TPR: variants seen among roughly 807,000 people sequenced by gnomAD.
TPR encodes the protein translocated promoter region, nuclear basket protein, also known as nucleoprotein TPR.
A neutral mutation model predicts 316.1 loss-of-function variants in TPR; 51 were observed. The ratio of observed to expected loss-of-function variants is 0.16; its 90% CI spans 0.13 to 0.20. TPR has a LOEUF of 0.20. Among genes scored for constraint, TPR ranks in the 10% least tolerant of loss-of-function variants. The pLI, the probability that TPR is intolerant of heterozygous loss-of-function variation, is 1.00. For synonymous variants in TPR, 981 were observed against 914.7 expected (o/e 1.07, Z -1.31); for missense variants, 2,272 against 2,754.8 (o/e 0.82, Z 3.92).
chr1:186,347,360 T>TA lies in TPR; in HGVS notation c.2874dup (p.Thr959TyrfsTer13). ...GCTTGATATTGTTCCACATTGCTCG[T>TA]ACTTGTTTTGAGTCTCTCCTTTAAG... is the stretch of plus-strand genomic sequence containing the variant. On this transcript the variant is annotated frameshift_variant, in exon 22 of 51. Coordinates refer to ENST00000367478, the MANE Select transcript of TPR (RefSeq NM_003292.3). LOFTEE classifies it high-confidence loss of function. The TA allele has an allele frequency of 6.2e-7, 1 of 1,614,116 alleles. No homozygotes were observed. The highest frequency in any genetic ancestry group is 8.5e-7 in the Non-Finnish European group (1 of 1,179,988).
At chr1:186,320,566 G>T in intron 45 of TPR, 148 bp from the exon 46 acceptor site, 2 of 683,840 alleles carry the variant, frequency 2.9e-6, no homozygotes, top group South Asian at 2.3e-5. Context: ...ATTTTAAAGG[G>T]TTTCTTACTT....
At position 186,313,842 on chromosome 1, in the gene TPR, CATTTT is replaced by C; in HGVS notation, c.*124_*128del. Reference sequence around the variant, plus strand: ...AATAATAAATTTTGACACTGAAAAACATTTTATTAATAAAGAATATTGACATGAGT... The same window carrying C: ...AATAATAAATTTTGACACTGAAAAACATTAATAAAGAATATTGACATGAGT... On this transcript the variant is annotated 3_prime_UTR_variant, in exon 51 of 51. Transcript: ENST00000367478. 4 of 1,490,468 alleles carry C rather than the reference CATTTT, an allele frequency of 2.7e-6. No individual in the cohort carries two copies. Among genetic ancestry groups the C allele is most frequent in the Non-Finnish European group, 3.7e-6 (4 of 1,068,088 alleles). 92.3% of individuals were successfully genotyped at this position (1,490,468 alleles called of 1,614,324 possible).
chr1:186,324,141 C>T (rs1378797300), intron 42 of TPR, among the ~76,000 whole-genome samples: 2 of 152,094 alleles, frequency 1.3e-5, no homozygotes, highest in African/African-American at 4.8e-5. Flanking sequence ...ACCTCCAAGT[C>T]TGGTGTTTCT....
chr1:186,330,798 T>A (rs1658139359), intron 39 of TPR, among the ~76,000 whole-genome samples: 1 of 152,164 alleles, frequency 6.6e-6, no homozygotes, highest in Non-Finnish European at 1.5e-5. Context: ...GTCTTCTTGA[T>A]GACAATATGA....
At chr1:186,364,515 G>T (rs1659280077) in intron 4 of TPR, among the ~76,000 whole-genome samples, 1 of 152,204 alleles carries the variant, frequency 6.6e-6, no homozygotes, top group African/African-American at 2.4e-5. Context: ...TGGGGTGCAG[G>T]ATTGCTATCA....
At chr1:186,362,811 A>G in intron 6 of TPR, 26 bp downstream of exon 6, 1 of 1,568,532 alleles carries the variant, frequency 6.4e-7, no homozygotes, top group Non-Finnish European at 8.6e-7. Context: ...CTCAACATGA[A>G]GAAAAACACA....
chr1:186,323,682 A>G lies in TPR; in HGVS notation c.6297+4T>C. 6.8e-7 allele frequency: 1 copy of G among 1,480,010 alleles called. No homozygotes were observed. Among genetic ancestry groups the G allele is most frequent in the Non-Finnish European group, 8.9e-7 (1 of 1,122,752 alleles). The allele number at this position is 1,480,010 out of a possible 1,614,324, so 91.7% of individuals were successfully genotyped here. On this transcript the variant is annotated splice_donor_region_variant and intron_variant, in intron 43 of 50. Coordinates refer to ENST00000367478, the MANE Select transcript of TPR (RefSeq NM_003292.3). The stretch of plus-strand genomic sequence containing the variant: ...TTTTTCATAATGACCAGTACTTTTA[A>G]TACCTGAACTGGTGGTCCCAACTCC...
chr1:186,347,240 C>A lies in TPR; in HGVS notation c.2943+52G>T, dbSNP rs1465579846. 4 of 1,589,812 alleles carry A rather than the reference C, an allele frequency of 2.5e-6. No individual in the cohort carries two copies. The Admixed American group carries it at 5.1e-5, about 20-fold the overall frequency. On this transcript the variant is annotated intron_variant, in intron 22 of 50. Coordinates refer to ENST00000367478, the MANE Select transcript of TPR (RefSeq NM_003292.3). Reference sequence around the variant, plus strand: ...AAAGCAGTCCTCTAGTTACTAAAAACAAAGTTAACAAATGTGTTGAGATTG... The same window carrying A: ...AAAGCAGTCCTCTAGTTACTAAAAAAAAAGTTAACAAATGTGTTGAGATTG...
Position 186,360,266 on chromosome 1 carries a change from T to C in TPR, c.1191+7A>G. The C allele has an allele frequency of 6.2e-7, 1 of 1,612,416 alleles. No homozygotes were observed. The highest frequency in any genetic ancestry group is 8.5e-7 in the Non-Finnish European group (1 of 1,179,020). ...AAGAATTTAACAACATTTAATACCA[T>C]TCTTACCTCAGTTAGTTTCATCCCA... On this transcript the variant is annotated splice_region_variant and intron_variant, in intron 11 of 50. Transcript: ENST00000367478.
rs768994644 is a variant in TPR at position 186,361,713 on chromosome 1, A to G, written c.871-4T>C. The G allele has an allele frequency of 6.2e-7, 1 of 1,613,360 alleles. No homozygotes were observed. Among genetic ancestry groups the G allele is most frequent in the South Asian group, 1.1e-5 (1 of 91,064 alleles). On this transcript the variant is annotated splice_polypyrimidine_tract_variant and splice_region_variant and intron_variant, in intron 8 of 50. Transcript: ENST00000367478. The stretch of plus-strand genomic sequence containing the variant: ...CTTCTGAGTCATCAGCGGCACTCTA[A>G]AAGTTAATCTTAAAAAGTTACCTAA...
rs1014182658 is a variant in TPR, at chr1:186,374,698, T to C, written c.151+180A>G. Among the ~76,000 whole-genome samples, 8 of 152,126 alleles carry C rather than the reference T, an allele frequency of 5.3e-5. 1 individual carries two copies. Among genetic ancestry groups the C allele is most frequent in the African/African-American group, 1.7e-4 (7 of 41,382 alleles). On this transcript the variant is annotated intron_variant, in intron 1 of 50. Coordinates refer to ENST00000367478, the MANE Select transcript of TPR (RefSeq NM_003292.3). ...TGCTACTGAACTTAGATTCAGATTT[T>C]TTTTTCAAAGGCTTCTTATCAAACT...
chr1:186,330,249 T>TA (rs540602766), intron 39 of TPR, among the ~76,000 whole-genome samples: 1 of 151,966 alleles, frequency 6.6e-6, no homozygotes. Flanking sequence ...ATGGTTACAA[T>TA]AAAAAAATAT....
intron 40 of TPR, 22 bp downstream of exon 40, chr1:186,327,438 G>A: frequency 6.2e-7 from 1 of 1,604,036 alleles, no homozygotes; most frequent in Non-Finnish European, 8.5e-7. Flanking sequence ...AAAAACACTA[G>A]ATGATTTCAA....
Position 186,334,290 on chromosome 1 carries a change from A to G in TPR, c.5182+35T>C, listed in dbSNP as rs200972235. On this transcript the variant is annotated intron_variant, in intron 36 of 50. Coordinates refer to ENST00000367478, the MANE Select transcript of TPR (RefSeq NM_003292.3). The stretch of plus-strand genomic sequence containing the variant: ...TCATCTTCTCATAATAAATCTAAAT[A>G]AGCAGTCTCATCAGATCTGTATTAT... 366 of 1,541,862 alleles carry G rather than the reference A, an allele frequency of 2.4e-4. 1 individual carries two copies. In the African/African-American group the frequency reaches 4.3e-3, roughly 18 times the overall value.
Position 186,360,777 on chromosome 1 carries a change from T to G in TPR, c.1087A>C (p.Thr363Pro). The change falls in exon 10 of 51, where the codon ACA (threonine) becomes CCA (proline). Residue 363 changes from threonine to proline, a missense_variant. By Grantham distance (38) the Thr-to-Pro change is conservative (BLOSUM62 -1). Coordinates refer to ENST00000367478, the MANE Select transcript of TPR (RefSeq NM_003292.3). The stretch of plus-strand genomic sequence containing the variant: ...CTATTAGCCATACCTTTACGTTTTG[T>G]GGCAGAAAGAAGGTCATTTGCATTC... The part of the protein sequence containing the change: ...LENANDLLSA[T>P]KRKGAILSEE... The G allele has an allele frequency of 1.2e-6, 2 of 1,612,926 alleles. No individual in the cohort carries two copies. Among genetic ancestry groups the G allele is most frequent in the Non-Finnish European group, 1.7e-6 (2 of 1,179,218 alleles).
At chr1:186,314,458 C>G in intron 50 of TPR, 171 bp downstream of exon 50, 3 of 461,000 alleles carry the variant, frequency 6.5e-6, no homozygotes, top group Non-Finnish European at 1.1e-5. Flanking sequence ...GTATACAAAT[C>G]TGTCTACATG....
rs774980792 is a variant in TPR, at chr1:186,312,975, A to G, written c.*996T>C. 1.3e-4 allele frequency: 177 copies of G among 1,408,372 alleles called. No individual in the cohort carries two copies. The highest frequency in any genetic ancestry group is 1.6e-4 in the Non-Finnish European group (157 of 996,226). 87.2% of individuals were successfully genotyped at this position (1,408,372 alleles called of 1,614,324 possible). On this transcript the variant is annotated 3_prime_UTR_variant, in exon 51 of 51. Coordinates refer to ENST00000367478, the MANE Select transcript of TPR (RefSeq NM_003292.3). ...AGATAAAGTAAAAATGCTGGCTGCA[A>G]TGATGACTGAATGTGAGAAGTTACA...
intron 40 of TPR, among the ~76,000 whole-genome samples, chr1:186,327,096 A>T (rs1319736625): frequency 1.2e-4 from 1 of 8,414 alleles, no homozygotes; most frequent in Non-Finnish European, 2.4e-4. Context: ...TAACATATAT[A>T]TTATATATAT....
chr1:186,351,454 G>C lies in TPR; in HGVS notation c.2486C>G (p.Ser829Cys). The C allele has an allele frequency of 6.2e-7, 1 of 1,608,468 alleles. No homozygotes were observed. Residue 829 changes from serine to cysteine, a missense_variant, in exon 20 of 51, where the codon TCT becomes TGT. Physicochemically the swap from Ser to Cys is moderately radical, Grantham distance 112 (BLOSUM62 -1). Transcript: ENST00000367478. ...AAGCCTTTGTTTGGTTTCTGTTTCA[G>C]ATCGCTCCAGTATTCCCTAAAGCAA... ...LQTIQGILER[S>C]ETETKQRLSS...
Sources: allele counts gnomAD v4.1 joint callset (sites outside exome capture counted in the v4.1 genomes callset), GRCh38; gene constraint gnomAD v4.1.1; transcripts MANE v1.5; gene names NCBI Gene and HGNC (gene_info 2026-07-23, HGNC 2026-07-21).